The following PSMA1 variants were observed in gnomAD, a reference collection of about 807,000 sequenced individuals.
PSMA1 encodes proteasome 20S subunit alpha 1, also known as proteasome subunit alpha type-1.
PSMA1 carries 3 observed loss-of-function variants against 38.4 expected under a neutral mutation model. The ratio of observed to expected loss-of-function variants is 0.08; its 90% CI spans 0.04 to 0.20. PSMA1 has a LOEUF of 0.20. Ranked by LOEUF, PSMA1 falls within the 10% of genes least tolerant of loss-of-function variation. PSMA1 has a pLI of 1.00. For missense variants in PSMA1, 227 were observed against 325.3 expected (o/e 0.70, Z 2.32); for synonymous variants, 101 against 107.1 (o/e 0.94, Z 0.35).
At chr11:14,554,583 G>T (rs1396611285) in intron 2 of PSMA1, among the ~76,000 whole-genome samples, 3 of 152,024 alleles carry the variant, frequency 2.0e-5, no homozygotes, top group Non-Finnish European at 2.9e-5. Flanking sequence ...TTTCTCCATT[G>T]AATTTTTTTT....
chr11:14,637,452 C>A (rs566962166), intron 1 of PSMA1, among the ~76,000 whole-genome samples: 1 of 152,154 alleles, frequency 6.6e-6, no homozygotes, highest in Non-Finnish European at 1.5e-5. Flanking sequence ...GGACAGGGAC[C>A]GTGTCTTATT....
At chr11:14,541,450 C>G (rs1318322796) in intron 2 of PSMA1, among the ~76,000 whole-genome samples, 1 of 152,230 alleles carries the variant, frequency 6.6e-6, no homozygotes, top group Non-Finnish European at 1.5e-5. Flanking sequence ...GAGCTCTGCT[C>G]TGGCCCAGGA....
At chr11:14,518,071 A>T (rs1851464234) in intron 2 of PSMA1, 90 bp from the exon 3 acceptor site, 9 of 932,540 alleles carry the variant, frequency 9.7e-6, no homozygotes, top group Non-Finnish European at 1.3e-5. Flanking sequence ...GAGCACAGTT[A>T]AATCTCAACT....
At chr11:14,589,463 T>TA (rs1318646450) in intron 2 of PSMA1, among the ~76,000 whole-genome samples, 1 of 151,086 alleles carries the variant, frequency 6.6e-6, no homozygotes, top group Non-Finnish European at 1.5e-5. Context: ...TATATATATA[T>TA]TTTTTTCTTT....
At chr11:14,560,692 G>T (rs1565044938) in intron 2 of PSMA1, among the ~76,000 whole-genome samples, 13 of 152,180 alleles carry the variant, frequency 8.5e-5, no homozygotes, top group Admixed American at 8.5e-4. Flanking sequence ...CTTATGTGTT[G>T]TACCTATTGA....
chr11:14,506,178 C>T (rs961742842), intron 9 of PSMA1, among the ~76,000 whole-genome samples: 1 of 152,030 alleles, frequency 6.6e-6, no homozygotes, highest in Non-Finnish European at 1.5e-5. Flanking sequence ...CCACACTGTT[C>T]GAGGATAACT....
intron 1 of PSMA1, among the ~76,000 whole-genome samples, chr11:14,618,533 A>G (rs897969234): frequency 2.0e-5 from 3 of 152,246 alleles, no homozygotes; most frequent in African/African-American, 4.8e-5. Flanking sequence ...TGGGAATACT[A>G]TATGGAATTA....
intron 2 of PSMA1, among the ~76,000 whole-genome samples, chr11:14,551,471 G>A (rs1851884878): frequency 6.6e-6 from 1 of 152,102 alleles, no homozygotes; most frequent in South Asian, 2.1e-4. Context: ...GAAAAAAGAC[G>A]GCCTCCAGGA....
chr11:14,617,290 C>A (rs1852786025), intron 1 of PSMA1, among the ~76,000 whole-genome samples: 1 of 152,132 alleles, frequency 6.6e-6, no homozygotes, highest in African/African-American at 2.4e-5. Flanking sequence ...GATATTTCCC[C>A]CAATGTAGCA....
chr11:14,515,883 T>G (rs1473909596), intron 4 of PSMA1, among the ~76,000 whole-genome samples: 2 of 151,942 alleles, frequency 1.3e-5, no homozygotes, highest in Non-Finnish European at 2.9e-5. Flanking sequence ...CATTACTATT[T>G]ACACTGTTTT....
At chr11:14,635,257 T>C (rs2133723961) in intron 1 of PSMA1, among the ~76,000 whole-genome samples, 1 of 152,364 alleles carries the variant, frequency 6.6e-6, no homozygotes, top group East Asian at 1.9e-4. Context: ...TTAGAGTGGA[T>C]GTTAGTGATC....
chr11:14,640,423 T>C (rs930954422), intron 1 of PSMA1, among the ~76,000 whole-genome samples: 1 of 152,252 alleles, frequency 6.6e-6, no homozygotes, highest in Non-Finnish European at 1.5e-5. Flanking sequence ...TGCTATTTAA[T>C]AGTCTATGTG....
chr11:14,616,627 T>C (rs772238789), intron 1 of PSMA1, among the ~76,000 whole-genome samples: 2 of 152,262 alleles, frequency 1.3e-5, no homozygotes, highest in African/African-American at 2.4e-5. Context: ...ATAATAATAA[T>C]AGTAATGATA....
chr11:14,543,278 C>G (rs1421778952), intron 2 of PSMA1, among the ~76,000 whole-genome samples: 1 of 152,138 alleles, frequency 6.6e-6, no homozygotes, highest in Non-Finnish European at 1.5e-5. Flanking sequence ...GGAGAAGATC[C>G]TTTGAGCCCA....
At chr11:14,579,202 A>C (rs965245578) in intron 2 of PSMA1, among the ~76,000 whole-genome samples, 1 of 152,212 alleles carries the variant, frequency 6.6e-6, no homozygotes, top group African/African-American at 2.4e-5. Context: ...TCCTTTTACT[A>C]TTCTAGAGGA....
chr11:14,510,599 A>T (rs780150897), intron 8 of PSMA1, among the ~76,000 whole-genome samples: 12 of 152,204 alleles, frequency 7.9e-5, no homozygotes, highest in Non-Finnish European at 1.2e-4. Context: ...ATATATATAT[A>T]TTTTTGTTAA....
At chr11:14,635,282 T>C (rs980217554) in intron 1 of PSMA1, among the ~76,000 whole-genome samples, 4 of 152,240 alleles carry the variant, frequency 2.6e-5, no homozygotes, top group African/African-American at 7.2e-5. Flanking sequence ...CAAACATGAT[T>C]ACACATCCCA....
intron 5 of PSMA1, chr11:14,514,172 A>G (rs945947565): frequency 1.3e-5 from 18 of 1,333,342 alleles, no homozygotes; most frequent in Non-Finnish European, 7.7e-6. Context: ...CCATTAAGAA[A>G]CTTTAAATCC....
intron 4 of PSMA1, among the ~76,000 whole-genome samples, chr11:14,516,652 G>A (rs1589979820): frequency 6.6e-6 from 1 of 152,160 alleles, no homozygotes; most frequent in East Asian, 1.9e-4. Context: ...TAGGCTGGGT[G>A]CAGTGGCTCA....
Sources: gnomAD v4.1 joint callset for allele counts (sites outside exome capture counted in the v4.1 genomes callset) on GRCh38, gnomAD v4.1.1 for gene constraint, MANE v1.5 for transcripts, NCBI Gene and HGNC (gene_info 2026-07-23, HGNC 2026-07-21) for gene names.